Variants in PSMG4 observed in about 807,000 individuals in gnomAD.
The protein encoded by PSMG4 is proteasome (prosome, macropain) assembly chaperone 4.
Under a neutral mutation model 11.0 loss-of-function variants are expected in PSMG4, and 10 were observed. That is an observed-to-expected ratio of 0.91 (90% CI 0.56 to 1.54). The LOEUF (loss-of-function observed/expected upper bound fraction) is 1.54. Ranked by LOEUF, PSMG4 falls within the 40% of genes most tolerant of loss-of-function variation. The pLI is 0.00. For missense variants in PSMG4, 198 were observed against 160.9 expected (o/e 1.23, Z -1.25); for synonymous variants, 95 against 71.3 (o/e 1.33, Z -1.68).
At chr6:3,255,041 C>A (rs558805226), upstream of PSMG4, 16 of 1,550,148 alleles carry the variant, frequency 1.0e-5, no homozygotes, top group East Asian at 2.4e-5. Context: ...CTTTCTGATT[C>A]TCTGGACAGG....
At chr6:3,254,713 G>A (rs9503494), upstream of PSMG4, among the ~76,000 whole-genome samples, 3,681 of 152,216 alleles carry the variant, frequency 0.024, 97 homozygotes, top group African/African-American at 0.065. Flanking sequence ...GGATGCGCCT[G>A]GACACCAGAA....
At chr6:3,260,279 A>G (rs1303258396) in intron 1 of PSMG4, among the ~76,000 whole-genome samples, 2 of 35,690 alleles carry the variant, frequency 5.6e-5, no homozygotes, top group African/African-American at 2.4e-4. Flanking sequence ...CTTAAATTGT[A>G]TATATATATA....
intron 2 of PSMG4, chr6:3,265,420 G>T (rs917048408): frequency 6.6e-6 from 1 of 152,380 alleles, no homozygotes; most frequent in Non-Finnish European, 1.5e-5. Context: ...TGGCCAAGGG[G>T]ACCCAACCTC....
At chr6:3,258,878 C>G (rs1757851714), upstream of PSMG4, 4 of 808,042 alleles carry the variant, frequency 5.0e-6, no homozygotes, top group Non-Finnish European at 6.6e-6. Context: ...ATCGCCCCTC[C>G]CCGACCACGC....
At chr6:3,262,431 C>A (rs976917320) in intron 1 of PSMG4, among the ~76,000 whole-genome samples, 1 of 152,194 alleles carries the variant, frequency 6.6e-6, no homozygotes, top group Admixed American at 6.5e-5. Context: ...ACAGCAGGCT[C>A]ATTAAGATAT....
At chr6:3,262,792 G>GTT (rs1554129916) in intron 1 of PSMG4, among the ~76,000 whole-genome samples, 2 of 141,762 alleles carry the variant, frequency 1.4e-5, no homozygotes, top group African/African-American at 5.8e-5. Context: ...ACCAATAAGT[G>GTT]TTTTTTTTTT....
chr6:3,266,149 T>TC (rs1758173879), intron 2 of PSMG4: 1 of 152,088 alleles, frequency 6.6e-6, no homozygotes, highest in South Asian at 2.1e-4. Context: ...TCCTGGGCTC[T>TC]CCCTCTCCTC....
Position 3,259,035 on chromosome 6 carries a change from G to C in PSMG4, c.13G>C (p.Val5Leu). The change falls in exon 1 of 3, where the codon GTT becomes CTT. Residue 5 changes from valine (V) to leucine (L), a missense_variant. Val to Leu is a conservative substitution (Grantham distance 32, BLOSUM62 1). Transcript: ENST00000438998. MEGLVVAAGGDVSLH... is the reference protein window; with the variant it reads MEGLLVAAGGDVSLH... ...GCCGTGGGGCGGCATGGAGGGGCTGGTTGTCGCCGCCGGCGGGGACGTCTC... is the reference window on the plus strand; with the variant it reads ...GCCGTGGGGCGGCATGGAGGGGCTGCTTGTCGCCGCCGGCGGGGACGTCTC... The C allele has an allele frequency of 1.6e-6, 2 of 1,250,294 alleles. No homozygotes were observed. The allele number at this position is 1,250,294 out of a possible 1,614,324, so 77.5% of individuals were successfully genotyped here. A position where few individuals can be genotyped will look rare whatever the true frequency, so the allele number is the denominator to read the frequency against.
chr6:3,260,874 A>G (rs1162985380), intron 1 of PSMG4, among the ~76,000 whole-genome samples: 1 of 152,192 alleles, frequency 6.6e-6, no homozygotes, highest in Non-Finnish European at 1.5e-5. Flanking sequence ...GACTCCAGTG[A>G]CCTTCGGGCT....
chr6:3,267,432 T>TC (rs1758237348), intron 2 of PSMG4, 159 bp from the exon 3 acceptor site: 1 of 740,816 alleles, frequency 1.3e-6, no homozygotes, highest in African/African-American at 1.8e-5. Context: ...CGTCTGCATT[T>TC]GCAGCACCTG....
At chr6:3,258,926 G>A, upstream of PSMG4, 3 of 1,160,162 alleles carry the variant, frequency 2.6e-6, no homozygotes, top group Non-Finnish European at 3.3e-6. Flanking sequence ...AAGCGAAAGC[G>A]CGCTCGGTCT....
upstream of PSMG4, chr6:3,255,129 A>G (rs1184942072): frequency 3.2e-6 from 5 of 1,551,084 alleles, no homozygotes; most frequent in South Asian, 2.4e-5. Flanking sequence ...CTTACCACGT[A>G]TTGGTCATTC....
chr6:3,259,698 GTCT>G (rs1302102532), intron 1 of PSMG4, among the ~76,000 whole-genome samples: 1 of 152,216 alleles, frequency 6.6e-6, no homozygotes, highest in Admixed American at 6.5e-5. Flanking sequence ...CCTCGCAGTT[GTCT>G]TTGATTCCTC....
intron 1 of PSMG4, among the ~76,000 whole-genome samples, chr6:3,261,362 T>C (rs1245316112): frequency 4.6e-5 from 7 of 152,116 alleles, no homozygotes. Flanking sequence ...CATTCTCTCT[T>C]TATCCCAAGG....
upstream of PSMG4, among the ~76,000 whole-genome samples, chr6:3,254,456 T>TC (rs1313690136): frequency 2.0e-5 from 3 of 151,414 alleles, no homozygotes; most frequent in African/African-American, 4.8e-5. Flanking sequence ...TTCTGCTTTT[T>TC]TTGTGTGTCT....
At chr6:3,254,411 CA>C (rs746352740), upstream of PSMG4, among the ~76,000 whole-genome samples, 7 of 152,188 alleles carry the variant, frequency 4.6e-5, no homozygotes, top group East Asian at 7.7e-4. Context: ...GTTGGTGGCA[CA>C]TCTGAGGAGG....
intron 1 of PSMG4, among the ~76,000 whole-genome samples, chr6:3,261,980 A>G (rs1185809322): frequency 6.6e-6 from 1 of 152,232 alleles, no homozygotes; most frequent in East Asian, 1.9e-4. Context: ...TCTTCCCTCC[A>G]GCTTCCCTAA....
chr6:3,259,242 GGGGGCGCC>G, intron 1 of PSMG4, 46 bp downstream of exon 1: 1 of 1,243,042 alleles, frequency 8.0e-7, no homozygotes, highest in African/African-American at 1.6e-5. Context: ...GCGGGGGCGC[GGGGGCGCC>G]GGGCCTGCGC....
At chr6:3,256,080 C>T (rs1757752048), upstream of PSMG4, among the ~76,000 whole-genome samples, 1 of 152,184 alleles carries the variant, frequency 6.6e-6, no homozygotes, top group South Asian at 2.1e-4. Context: ...ATGAAGTCTA[C>T]CACCACTGCA....
Sources: gnomAD v4.1 joint callset for allele counts (sites outside exome capture counted in the v4.1 genomes callset) on GRCh38, gnomAD v4.1.1 for gene constraint, MANE v1.5 for transcripts, NCBI Gene and HGNC (gene_info 2026-07-23, HGNC 2026-07-21) for gene names.